Variants in ASIC2 observed in about 807,000 individuals in gnomAD.
ASIC2 encodes the protein acid sensing ion channel subunit 2.
Under a neutral mutation model 57.3 loss-of-function variants are expected in ASIC2, and 25 were observed. That is an observed-to-expected ratio of 0.44 (90% CI 0.32 to 0.61). The LOEUF is 0.61. Ranked by LOEUF, ASIC2 falls within the 20% of genes least tolerant of loss-of-function variation. ASIC2 has a pLI of 0.06. For missense variants in ASIC2, 641 were observed against 738.1 expected, an observed-to-expected ratio of 0.87 and a Z score of 1.52; for synonymous variants, 319 against 307.5, an observed-to-expected ratio of 1.04 and a Z score of -0.39.
chr17:33,969,390 G>T (rs1366768606), intron 1 of ASIC2, among the ~76,000 whole-genome samples: 1 of 152,164 alleles, frequency 6.6e-6, no homozygotes, highest in Non-Finnish European at 1.5e-5. Context: ...TAGCACAGAC[G>T]ATGTTGGTTC....
In ASIC2 at chr17:33,260,281, C is replaced by T. The variant is rs141605289; in HGVS notation, c.708+31127G>A. 2.6e-3 allele frequency among the ~76,000 whole-genome samples: 391 copies of T among 152,252 alleles called. 1 individual carries two copies. Among genetic ancestry groups the T allele is most frequent in the Non-Finnish European group, 4.2e-3 (288 of 68,018 alleles). ...CACTGCCCATTTCCTGGCTTTGTCT[C>T]CAAATGCTCTCCAACCACAAAAGTA... is the stretch of plus-strand genomic sequence containing the variant. On this transcript the variant is annotated intron_variant, in intron 1 of 9. Coordinates refer to ENST00000225823, the MANE Select transcript of ASIC2 (RefSeq NM_183377.2).
Position 33,331,365 on chromosome 17 carries a change from G to A in ASIC2, c.556-219298C>T, listed in dbSNP as rs116306003. ...CATAAAGAAACTAAGGCTCAAAGAT[G>A]TTAAGATGTTACATTTAAGGCTGCA... On this transcript the variant is annotated intron_variant, in intron 1 of 9. Transcript: ENST00000359872. Among the ~76,000 whole-genome samples, 316 of 152,292 alleles carry A rather than the reference G, an allele frequency of 2.1e-3. 1 individual carries two copies. Among genetic ancestry groups the A allele is most frequent in the African/African-American group, 7.5e-3 (310 of 41,546 alleles).
At chr17:34,118,159 G>A (rs536046418) in intron 1 of ASIC2, among the ~76,000 whole-genome samples, 2 of 152,222 alleles carry the variant, frequency 1.3e-5, no homozygotes, top group South Asian at 2.1e-4. Flanking sequence ...CTAATGGATT[G>A]TATAATCTTA....
chr17:33,461,380 C>G (rs1205668795), intron 1 of ASIC2, among the ~76,000 whole-genome samples: 1 of 152,162 alleles, frequency 6.6e-6, no homozygotes, highest in Non-Finnish European at 1.5e-5. Context: ...CAGGCACATT[C>G]TTGGGCATAT....
At chr17:33,782,735 A>T (rs903595288) in intron 1 of ASIC2, among the ~76,000 whole-genome samples, 1 of 151,488 alleles carries the variant, frequency 6.6e-6, no homozygotes, top group Non-Finnish European at 1.5e-5. Context: ...CACTCCCACT[A>T]CTCCCCCACC....
intron 1 of ASIC2, among the ~76,000 whole-genome samples, chr17:34,007,207 C>T (rs1181502630): frequency 1.3e-5 from 2 of 152,194 alleles, no homozygotes; most frequent in Non-Finnish European, 2.9e-5. Context: ...AGTCTCCTAA[C>T]CTAAGTCTGG....
chr17:33,229,358 G>A (rs1433438580), intron 1 of ASIC2, among the ~76,000 whole-genome samples: 5 of 152,176 alleles, frequency 3.3e-5, no homozygotes, highest in Admixed American at 1.3e-4. Flanking sequence ...AGCTGGGGAA[G>A]GGTCTGAGGA....
chr17:33,474,886 G>A (rs151216036), intron 1 of ASIC2, among the ~76,000 whole-genome samples: 220 of 152,272 alleles, frequency 1.4e-3, no homozygotes, highest in Middle Eastern at 6.8e-3. Context: ...AGCCCTAGCC[G>A]GAAGTGAGCA....
chr17:33,097,786 G>C (rs1264244960), intron 2 of ASIC2, among the ~76,000 whole-genome samples: 1 of 152,228 alleles, frequency 6.6e-6, no homozygotes, highest in Non-Finnish European at 1.5e-5. Context: ...CAGTAACACG[G>C]ACCAGAGTCG....
intron 1 of ASIC2, among the ~76,000 whole-genome samples, chr17:33,707,211 TATA>T (rs1203954090): frequency 6.6e-6 from 1 of 152,210 alleles, no homozygotes; most frequent in Non-Finnish European, 1.5e-5. Flanking sequence ...TCTGATATTT[TATA>T]ATATTTTATT....
intron 1 of ASIC2, among the ~76,000 whole-genome samples, chr17:33,371,943 A>G (rs989697071): frequency 2.6e-5 from 4 of 152,134 alleles, no homozygotes; most frequent in African/African-American, 9.7e-5. Context: ...AGGGGTATGT[A>G]GAAGATCACC....
chr17:33,089,038 C>T (rs1410682845), intron 2 of ASIC2, 48 bp from the exon 3 acceptor site: 1 of 1,608,230 alleles, frequency 6.2e-7, no homozygotes, highest in East Asian at 2.2e-5. Context: ...ACAACAGATG[C>T]TCATGGAGTC....
chr17:33,735,920 T>C (rs984034573), intron 1 of ASIC2, among the ~76,000 whole-genome samples: 1 of 152,130 alleles, frequency 6.6e-6, no homozygotes, highest in African/African-American at 2.4e-5. Context: ...TTTCAAATTT[T>C]CCTTTGGCAT....
intron 1 of ASIC2, among the ~76,000 whole-genome samples, chr17:34,105,927 T>G (rs925032919): frequency 3.3e-5 from 5 of 152,092 alleles, no homozygotes; most frequent in African/African-American, 1.2e-4. Context: ...TATACTTCAA[T>G]CTAGTATACC....
chr17:33,541,155 C>T (rs1235156303), intron 1 of ASIC2: 2 of 152,062 alleles, frequency 1.3e-5, no homozygotes, highest in Admixed American at 6.6e-5. Context: ...TTAAGGTTGA[C>T]AAGTTTAATA....
intron 1 of ASIC2, among the ~76,000 whole-genome samples, chr17:33,631,112 C>T (rs1906153044): frequency 6.6e-6 from 1 of 152,146 alleles, no homozygotes; most frequent in South Asian, 2.1e-4. Context: ...CCCAAGAAGA[C>T]ACTGCCACAT....
At chr17:33,548,644 G>A (rs575807530) in intron 1 of ASIC2, among the ~76,000 whole-genome samples, 1 of 152,190 alleles carries the variant, frequency 6.6e-6, no homozygotes, top group East Asian at 1.9e-4. Flanking sequence ...AACAGTTCAC[G>A]GCTGCCCTTA....
chr17:34,099,350 G>A (rs1910717725), intron 1 of ASIC2, among the ~76,000 whole-genome samples: 2 of 138,390 alleles, frequency 1.4e-5, no homozygotes, highest in East Asian at 4.2e-4. Context: ...GAGGGAGGGA[G>A]GAAAGAAGGA....
chr17:33,898,624 T>A (rs1915162776), intron 1 of ASIC2, among the ~76,000 whole-genome samples: 1 of 152,136 alleles, frequency 6.6e-6, no homozygotes, highest in Non-Finnish European at 1.5e-5. Context: ...AAACTATTGA[T>A]CTCATTAGAA....
Sources: gnomAD v4.1 joint callset for allele counts (sites outside exome capture counted in the v4.1 genomes callset) on GRCh38, gnomAD v4.1.1 for gene constraint, MANE v1.5 for transcripts, NCBI Gene and HGNC (gene_info 2026-07-23, HGNC 2026-07-21) for gene names.